CECR2: variants seen among roughly 807,000 people sequenced by gnomAD.
CECR2 encodes the protein chromatin remodeling regulator CECR2.
Under a neutral mutation model 154.5 loss-of-function variants are expected in CECR2, and 30 were observed. That is an observed-to-expected ratio of 0.19 (90% confidence interval 0.15 to 0.26). The LOEUF is 0.26. Ranked by LOEUF, CECR2 falls within the 10% of genes least tolerant of loss-of-function variation. The probability of loss-of-function intolerance (pLI) is 1.00; values close to 1 mark genes in which losing one functional copy is unlikely to be tolerated. For missense variants in CECR2, 1,743 were observed against 1,829.3 expected, an observed-to-expected ratio of 0.95 and a Z score of 0.86; for synonymous variants, 725 against 683.7, an observed-to-expected ratio of 1.06 and a Z score of -0.94.
At chr22:17,493,273 C>G (rs547967342) in intron 2 of CECR2, among the ~76,000 whole-genome samples, 32 of 152,090 alleles carry the variant, frequency 2.1e-4, no homozygotes, top group Non-Finnish European at 4.0e-4. Context: ...CGCCCGGCCT[C>G]TTTTTCCTTT....
At chr22:17,360,403 C>T (rs530821699) in intron 1 of CECR2, among the ~76,000 whole-genome samples, 6 of 152,124 alleles carry the variant, frequency 3.9e-5, no homozygotes, top group Admixed American at 3.9e-4. Flanking sequence ...AACACTAGGC[C>T]GGGTGAAGTG....
chr22:17,503,430 A>T (rs764995469), intron 6 of CECR2, among the ~76,000 whole-genome samples: 1 of 152,156 alleles, frequency 6.6e-6, no homozygotes, highest in African/African-American at 2.4e-5. Flanking sequence ...GGTCTTTTTA[A>T]TGTCAGTGCT....
chr22:17,519,285 GTTTTGTGTTTTTT>G (rs1329837407), intron 8 of CECR2, among the ~76,000 whole-genome samples: 28 of 131,056 alleles, frequency 2.1e-4, no homozygotes, highest in African/African-American at 7.0e-4. Context: ...TCCCTCAGGT[GTTTTGTGTTTTTT>G]TTTTTTTTTT....
intron 9 of CECR2, among the ~76,000 whole-genome samples, chr22:17,525,601 G>A (rs2056251092): frequency 6.6e-6 from 1 of 152,178 alleles, no homozygotes. Flanking sequence ...GCAAGACTCT[G>A]TCTCAATAAA....
chr22:17,542,035 T>G (rs1252125653), intron 15 of CECR2, 68 bp downstream of exon 15: 1 of 1,579,626 alleles, frequency 6.3e-7, no homozygotes, highest in Non-Finnish European at 8.6e-7. Context: ...AAAAAGTCTC[T>G]TTCCAGGTTA....
intron 1 of CECR2, among the ~76,000 whole-genome samples, chr22:17,394,904 T>A (rs1205216244): frequency 6.6e-6 from 1 of 152,250 alleles, no homozygotes; most frequent in Non-Finnish European, 1.5e-5. Context: ...TAGAATTGTC[T>A]TATTTCATTT....
intron 1 of CECR2, among the ~76,000 whole-genome samples, chr22:17,454,982 C>T (rs556611090): frequency 6.6e-6 from 1 of 152,330 alleles, no homozygotes; most frequent in South Asian, 2.1e-4. Flanking sequence ...GACACGTCCA[C>T]CCTACTGCTG....
At chr22:17,381,369 C>A (rs1438450867) in intron 1 of CECR2, among the ~76,000 whole-genome samples, 1 of 151,232 alleles carries the variant, frequency 6.6e-6, no homozygotes, top group Non-Finnish European at 1.5e-5. Context: ...TAACTCTAGA[C>A]TTTTTTTTTA....
chr22:17,476,039 A>G (rs1192537065), intron 1 of CECR2, among the ~76,000 whole-genome samples: 1 of 151,622 alleles, frequency 6.6e-6, no homozygotes, highest in Admixed American at 6.6e-5. Context: ...CTGGGTATTC[A>G]GGATCGCCTG....
At chr22:17,541,380 G>T (rs573062706) in intron 14 of CECR2, among the ~76,000 whole-genome samples, 7 of 152,174 alleles carry the variant, frequency 4.6e-5, no homozygotes, top group Non-Finnish European at 1.0e-4. Flanking sequence ...AGGAGGCAGA[G>T]TTTGCAGTGA....
chr22:17,470,110 A>G (rs1275066560), intron 1 of CECR2, among the ~76,000 whole-genome samples: 3 of 152,194 alleles, frequency 2.0e-5, no homozygotes, highest in Non-Finnish European at 4.4e-5. Context: ...GGAACCTACC[A>G]CACTCAAAGA....
chr22:17,410,380 G>T (rs756958741), intron 1 of CECR2, among the ~76,000 whole-genome samples: 1 of 151,978 alleles, frequency 6.6e-6, no homozygotes, highest in Non-Finnish European at 1.5e-5. Context: ...GAGGAGAATG[G>T]TATAGTTTTC....
At chr22:17,505,340 TAA>T (rs796552463) in intron 7 of CECR2, among the ~76,000 whole-genome samples, 3 of 143,472 alleles carry the variant, frequency 2.1e-5, no homozygotes, top group African/African-American at 2.5e-5. Flanking sequence ...TGTAATGCTT[TAA>T]AAAAAAAAAA....
intron 1 of CECR2, among the ~76,000 whole-genome samples, chr22:17,361,400 T>C (rs1241044665): frequency 6.6e-6 from 1 of 150,458 alleles, no homozygotes; most frequent in Non-Finnish European, 1.5e-5. Flanking sequence ...GCAGGAGAAC[T>C]GTTTGAACCC....
intron 2 of CECR2, among the ~76,000 whole-genome samples, chr22:17,480,972 G>A (rs1419914898): frequency 2.7e-5 from 4 of 150,376 alleles, no homozygotes; most frequent in Admixed American, 1.3e-4. Context: ...CCCGGGAGGC[G>A]GAGGTTGCAG....
intron 9 of CECR2, among the ~76,000 whole-genome samples, chr22:17,532,476 G>C: frequency 6.6e-6 from 1 of 152,048 alleles, no homozygotes; most frequent in East Asian, 1.9e-4. Context: ...CCTTCTACTT[G>C]ATGGGGAAAC....
intron 1 of CECR2, among the ~76,000 whole-genome samples, chr22:17,438,553 C>A (rs143474937): frequency 0.011 from 1,733 of 152,314 alleles, 19 homozygotes; most frequent in Middle Eastern, 0.031. Flanking sequence ...CGCAGGCCGC[C>A]TGCAGCCCAG....
At position 17,457,215 on chromosome 22, in the gene CECR2, C is replaced by T. The variant is rs150918420; in HGVS notation, c.127-20373C>T. On this transcript the variant is annotated intron_variant, in intron 1 of 18. Transcript: ENST00000262608. ...GCTAATTTTGTATTTTTACTAGAGA[C>T]GGGGTTTCTCCACGTTGGTCAGGCT... Among the ~76,000 whole-genome samples, 529 of 152,302 alleles carry T rather than the reference C, an allele frequency of 3.5e-3. 3 individuals carry two copies. The highest frequency in any genetic ancestry group is 0.012 in the African/African-American group (493 of 41,564).
chr22:17,482,695 A>G (rs1320635685), intron 2 of CECR2, among the ~76,000 whole-genome samples: 1 of 150,156 alleles, frequency 6.7e-6, no homozygotes, highest in African/African-American at 2.5e-5. Context: ...CACCAGGCCC[A>G]TCTAATTTCT....
Sources: gnomAD v4.1 joint callset for allele counts (sites outside exome capture counted in the v4.1 genomes callset) on GRCh38, gnomAD v4.1.1 for gene constraint, MANE v1.5 for transcripts, NCBI Gene and HGNC (gene_info 2026-07-23, HGNC 2026-07-21) for gene names.